Variants in CCDC85C observed in about 807,000 individuals in gnomAD.
The protein encoded by CCDC85C is coiled-coil domain containing 85C.
A neutral mutation model predicts 38.3 loss-of-function variants in CCDC85C; 18 were observed. That is an observed-to-expected ratio of 0.47 (90% CI 0.33 to 0.70). The LOEUF is 0.70. Ranked by LOEUF, CCDC85C falls within the 30% of genes least tolerant of loss-of-function variation. CCDC85C has a pLI of 0.03. For missense variants in CCDC85C, 566 were observed against 621.2 expected (o/e 0.91, Z 0.94); for synonymous variants, 264 against 293.8 (o/e 0.90, Z 1.04).
intron 1 of CCDC85C, among the ~76,000 whole-genome samples, chr14:99,563,485 T>G (rs1898157054): frequency 1.3e-5 from 2 of 152,256 alleles, no homozygotes; most frequent in African/African-American, 4.8e-5. Context: ...ACAGGCAGCT[T>G]CGAGCACAAC....
At position 99,553,933 on chromosome 14, in the gene CCDC85C, T is replaced by A. The variant is rs564596943; in HGVS notation, c.794-17845A>T. Among the ~76,000 whole-genome samples the A allele has an allele frequency of 7.2e-5, 11 of 152,120 alleles. No individual in the cohort carries two copies. The East Asian group carries it at 1.9e-3, about 27-fold the overall frequency. The stretch of plus-strand genomic sequence containing the variant: ...GGGCTCAAACTTGGGGGACAGAGGG[T>A]CCAGGGTCCTGCCTCTCCCATCCCA... On this transcript the variant is annotated intron_variant, in intron 1 of 5. Coordinates refer to ENST00000380243, the MANE Select transcript of CCDC85C (RefSeq NM_001144995.2).
chr14:99,584,183 G>A (rs989879996), intron 1 of CCDC85C, among the ~76,000 whole-genome samples: 5 of 152,134 alleles, frequency 3.3e-5, no homozygotes, highest in African/African-American at 9.7e-5. Context: ...GCGCATAGCC[G>A]TGCCTGACTT....
At position 99,507,321 on chromosome 14, in the gene CCDC85C, G is replaced by C; in HGVS notation, c.*7925C>G. On this transcript the variant is annotated 3_prime_UTR_variant, in exon 6 of 6. Transcript: ENST00000380243. ...GCTGGGCACAATGGCTTGTGTTTTT[G>C]ATCCCAGCACTTTGGGAGGCGGAGG... 3.2e-6 allele frequency: 2 copies of C among 624,412 alleles called. No homozygotes were observed. Among genetic ancestry groups the C allele is most frequent in the East Asian group, 2.7e-5 (1 of 36,694 alleles). 38.7% of individuals were successfully genotyped at this position (624,412 alleles called of 1,614,324 possible). A position where few individuals can be genotyped will look rare whatever the true frequency, so the allele number is the denominator to read the frequency against.
rs1209962470 is a variant in CCDC85C, at chr14:99,572,661, GC to G, written c.793+30505del. 10 of 455,698 alleles carry G rather than the reference GC, an allele frequency of 2.2e-5. No individual in the cohort carries two copies. Among genetic ancestry groups the G allele is most frequent in the African/African-American group, 4.0e-5 (2 of 50,006 alleles). The allele number at this position is 455,698 out of a possible 1,614,324, so 28.2% of individuals were successfully genotyped here. On this transcript the variant is annotated intron_variant, in intron 1 of 5. Coordinates refer to ENST00000380243, the MANE Select transcript of CCDC85C (RefSeq NM_001144995.2). This position sits in a 1 kb window ranked among gnomAD's most constrained non-coding sequence, Gnocchi z 4.4. ...TATCATCCAAGCCCCAGGTGACCTG[GC>G]CCCTCCTTAAGAGGCCTCCCCTGCC...
intron 1 of CCDC85C, among the ~76,000 whole-genome samples, chr14:99,537,557 G>A (rs1174545077): frequency 1.3e-5 from 2 of 152,114 alleles, no homozygotes; most frequent in Non-Finnish European, 2.9e-5. Flanking sequence ...CGGCCCGGCC[G>A]CACTCACTGC....
In CCDC85C at chr14:99,545,303, A is replaced by T. The variant is rs77292664; in HGVS notation, c.794-9215T>A. 0.019 allele frequency among the ~76,000 whole-genome samples: 2,880 copies of T among 152,098 alleles called. 98 individuals are homozygous for T. Among genetic ancestry groups the T allele is most frequent in the African/African-American group, 0.066 (2,756 of 41,498 alleles). The stretch of plus-strand genomic sequence containing the variant: ...GGAAAAGCCACGAGGCTTCCCAATG[A>T]CACTGCAATGTGGAGGGGGCAGCTG... On this transcript the variant is annotated intron_variant, in intron 1 of 5. Transcript: ENST00000380243. This position sits in a 1 kb window ranked among gnomAD's most constrained non-coding sequence, Gnocchi z 4.7.
rs576671405 is a variant in CCDC85C at position 99,578,593 on chromosome 14, C to T, written c.793+24574G>A. On this transcript the variant is annotated intron_variant, in intron 1 of 5. Coordinates refer to ENST00000380243, the MANE Select transcript of CCDC85C (RefSeq NM_001144995.2). ...GTCCCCTGTCACTGTGTGTGTGAGC[C>T]TCCACAGCCTGCACCCTCCTCTTGG... is the stretch of plus-strand genomic sequence containing the variant. 2.6e-5 allele frequency among the ~76,000 whole-genome samples: 4 copies of T among 152,358 alleles called. No homozygotes were observed. In the South Asian group the frequency reaches 8.3e-4, roughly 32 times the overall value.
chr14:99,561,125 G>C (rs955338596), intron 1 of CCDC85C, among the ~76,000 whole-genome samples: 17 of 152,342 alleles, frequency 1.1e-4, no homozygotes, highest in South Asian at 8.3e-4. Flanking sequence ...ACGTGCATGG[G>C]GGGGTGCCTG....
intron 2 of CCDC85C, among the ~76,000 whole-genome samples, chr14:99,524,345 T>C (rs1489102614): frequency 6.6e-6 from 1 of 151,910 alleles, no homozygotes; most frequent in Non-Finnish European, 1.5e-5. Flanking sequence ...CCGGCGTCCC[T>C]TCCTCCACAT....
chr14:99,504,058 G>C lies in CCDC85C; in HGVS notation c.*11188C>G. The C allele has an allele frequency of 2.6e-6, 1 of 383,090 alleles. No homozygotes were observed. Among genetic ancestry groups the C allele is most frequent in the Non-Finnish European group, 5.2e-6 (1 of 193,520 alleles). The allele number at this position is 383,090 out of a possible 1,614,324, so 23.7% of individuals were successfully genotyped here. On this transcript the variant is annotated 3_prime_UTR_variant, in exon 6 of 6. Coordinates refer to ENST00000380243, the MANE Select transcript of CCDC85C (RefSeq NM_001144995.2). Reference sequence around the variant, plus strand: ...GCCCGGACAGCACCAGCCCGGCCCAGCCCAGCTGCCCTTGCAGGCAAGGCC... The same window carrying C: ...GCCCGGACAGCACCAGCCCGGCCCACCCCAGCTGCCCTTGCAGGCAAGGCC...
Position 99,503,530 on chromosome 14 carries a change from C to T in CCDC85C, c.*11716G>A. On this transcript the variant is annotated 3_prime_UTR_variant, in exon 6 of 6. Transcript: ENST00000380243. ...TTCACAGTGACTGCCGTCGCTGATT[C>T]TGGTGGTACCTGGATAATCCATTTT... The T allele has an allele frequency of 3.2e-6, 4 of 1,240,000 alleles. No individual in the cohort carries two copies. In the South Asian group the frequency reaches 4.1e-5, roughly 13 times the overall value. 76.8% of individuals were successfully genotyped at this position (1,240,000 alleles called of 1,614,324 possible). A position where few individuals can be genotyped will look rare whatever the true frequency, so the allele number is the denominator to read the frequency against.
Position 99,503,683 on chromosome 14 carries a change from T to C in CCDC85C, c.*11563A>G, listed in dbSNP as rs1566752128. The C allele has an allele frequency of 6.6e-7, 1 of 1,507,090 alleles. No individual in the cohort carries two copies. The highest frequency in any genetic ancestry group is 2.0e-5 in the Admixed American group (1 of 49,056). 93.4% of individuals were successfully genotyped at this position (1,507,090 alleles called of 1,614,324 possible). A position where few individuals can be genotyped will look rare whatever the true frequency, so the allele number is the denominator to read the frequency against. Reference sequence around the variant, plus strand: ...CTGATGTTTTTTTAGTTTTATGTGTTTATATGCAAAACTTTAAATTCTTAG... The same window carrying C: ...CTGATGTTTTTTTAGTTTTATGTGTCTATATGCAAAACTTTAAATTCTTAG... On this transcript the variant is annotated 3_prime_UTR_variant, in exon 6 of 6. Coordinates refer to ENST00000380243, the MANE Select transcript of CCDC85C (RefSeq NM_001144995.2).
At chr14:99,538,558 G>T (rs1305045650) in intron 1 of CCDC85C, among the ~76,000 whole-genome samples, 2 of 152,218 alleles carry the variant, frequency 1.3e-5, no homozygotes, top group Non-Finnish European at 2.9e-5. Context: ...CGCTGCCACA[G>T]AACCATTCAG....
Position 99,536,011 on chromosome 14 carries a change from C to T in CCDC85C, c.867+4G>A. On this transcript the variant is annotated splice_donor_region_variant and intron_variant, in intron 2 of 5. Coordinates refer to ENST00000380243, the MANE Select transcript of CCDC85C (RefSeq NM_001144995.2). ...CAAGGCAGCGCCACCCGAAGCCGGCCTACCTGTGCGAGGAGCTTGTCACCC... is the reference window on the plus strand; with the variant it reads ...CAAGGCAGCGCCACCCGAAGCCGGCTTACCTGTGCGAGGAGCTTGTCACCC... 1 of 1,551,132 alleles carries T rather than the reference C, an allele frequency of 6.4e-7. No homozygotes were observed. The highest frequency in any genetic ancestry group is 8.7e-7 in the Non-Finnish European group (1 of 1,146,716).
rs548235849 is a variant in CCDC85C, at chr14:99,590,941, G to A, written c.793+12226C>T. On this transcript the variant is annotated intron_variant, in intron 1 of 5. Transcript: ENST00000380243. ...AGCTGCAGTGCTAATGGCCTTATCC[G>A]CCAGGGACGGCCAGAGTAATGGCCG... 7.9e-5 allele frequency among the ~76,000 whole-genome samples: 12 copies of A among 152,314 alleles called. No individual in the cohort carries two copies. In the South Asian group the frequency reaches 2.3e-3, roughly 29 times the overall value.
chr14:99,510,911 G>A lies in CCDC85C; in HGVS notation c.*4335C>T, dbSNP rs1180252884. On this transcript the variant is annotated 3_prime_UTR_variant, in exon 6 of 6. Transcript: ENST00000380243. ...AGTTGCAGTATGGGAAGAATGGACC[G>A]GGCCCCTGGGATAAAATCAGAGTGG... is the stretch of plus-strand genomic sequence containing the variant. The A allele has an allele frequency of 1.2e-5, 10 of 810,528 alleles. No individual in the cohort carries two copies. Among genetic ancestry groups the A allele is most frequent in the South Asian group, 4.7e-5 (1 of 21,072 alleles). The allele number at this position is 810,528 out of a possible 1,614,324, so 50.2% of individuals were successfully genotyped here. A position where few individuals can be genotyped will look rare whatever the true frequency, so the allele number is the denominator to read the frequency against.
At chr14:99,543,940 C>T (rs775880457) in intron 1 of CCDC85C, among the ~76,000 whole-genome samples, 5 of 152,180 alleles carry the variant, frequency 3.3e-5, no homozygotes, top group African/African-American at 7.2e-5. Flanking sequence ...TGTTGCAGGC[C>T]GAGGCAGCTG....
chr14:99,510,317 C>A lies in CCDC85C; in HGVS notation c.*4929G>T. The A allele has an allele frequency of 1.3e-6, 2 of 1,574,168 alleles. No homozygotes were observed. Among genetic ancestry groups the A allele is most frequent in the Non-Finnish European group, 1.7e-6 (2 of 1,153,142 alleles). ...ACCGGCCCCCGCCCCCACCCCCCTC[C>A]AGCTACATGACCGGGATGTCCACCA... On this transcript the variant is annotated 3_prime_UTR_variant, in exon 6 of 6. Coordinates refer to ENST00000380243, the MANE Select transcript of CCDC85C (RefSeq NM_001144995.2).
chr14:99,515,193 ACT>A lies in CCDC85C; in HGVS notation c.*51_*52del, dbSNP rs1897201739. On this transcript the variant is annotated 3_prime_UTR_variant, in exon 6 of 6. Transcript: ENST00000380243. ...GTCCTGCCCGTGTCTGGGGCCTGAAACTCCCCCTGGGGACCCCCAGCAGGGCC... is the reference window on the plus strand; with the variant it reads ...GTCCTGCCCGTGTCTGGGGCCTGAAACCCCCTGGGGACCCCCAGCAGGGCC... The A allele has an allele frequency of 4.3e-6, 6 of 1,389,832 alleles. No individual in the cohort carries two copies. In the Admixed American group the frequency reaches 1.2e-4, roughly 28 times the overall value. 86.1% of individuals were successfully genotyped at this position (1,389,832 alleles called of 1,614,324 possible). A position where few individuals can be genotyped will look rare whatever the true frequency, so the allele number is the denominator to read the frequency against.
Sources: gnomAD v4.1 joint callset for allele counts (sites outside exome capture counted in the v4.1 genomes callset) on GRCh38, gnomAD v4.1.1 for gene constraint, Gnocchi (gnomAD v3.1) non-coding constraint, MANE v1.5 for transcripts, NCBI Gene and HGNC (gene_info 2026-07-23, HGNC 2026-07-21) for gene names.